Variants in SERPINB9 observed in about 807,000 individuals in gnomAD.
The protein encoded by SERPINB9 is serpin B9.
Under a neutral mutation model 27.2 loss-of-function variants are expected in SERPINB9, and 20 were observed. The ratio of observed to expected loss-of-function variants is 0.74; its 90% CI spans 0.52 to 1.07. SERPINB9 has a LOEUF of 1.07. Ranked by LOEUF, SERPINB9 falls within the 50% of genes least tolerant of loss-of-function variation. The pLI is 0.00. For synonymous variants in SERPINB9, 189 were observed against 180.0 expected, an observed-to-expected ratio of 1.05 and a Z score of -0.40; for missense variants, 476 against 460.1, an observed-to-expected ratio of 1.03 and a Z score of -0.32.
In SERPINB9 at chr6:2,890,281, A is replaced by G; in HGVS notation, c.1013T>C (p.Val338Ala). ...EAAAASSCFV[V>A]AECCMESGPR... ...GCCAGATTCCATGCAGCACTCTGCA[A>G]CTACAAAGCAGCTCGACGCTGCCGC... is the stretch of plus-strand genomic sequence containing the variant. The change falls in exon 7 of 7, where the codon GTT becomes GCT. Residue 338 changes from valine to alanine, a missense_variant. Physicochemically the swap from Val to Ala is moderately conservative, Grantham distance 64 (BLOSUM62 0). Transcript: ENST00000380698. This position sits in a 1 kb window ranked among gnomAD's most constrained non-coding sequence, Gnocchi z 6.2. The G allele has an allele frequency of 6.2e-7, 1 of 1,614,232 alleles. No individual in the cohort carries two copies. The highest frequency in any genetic ancestry group is 8.5e-7 in the Non-Finnish European group (1 of 1,180,042).
chr6:2,895,542 T>G, intron 3 of SERPINB9, 34 bp from the exon 4 acceptor site: 1 of 1,369,970 alleles, frequency 7.3e-7, no homozygotes, highest in Non-Finnish European at 1.0e-6. Flanking sequence ...GAGGCTGCAT[T>G]GCTAAATACA....
At chr6:2,899,360 T>C (rs566457933) in intron 2 of SERPINB9, among the ~76,000 whole-genome samples, 2 of 152,284 alleles carry the variant, frequency 1.3e-5, no homozygotes, top group Non-Finnish European at 2.9e-5. Flanking sequence ...TCTAAAAACC[T>C]ACGCTCTTGC....
intron 5 of SERPINB9, among the ~76,000 whole-genome samples, chr6:2,892,254 C>G (rs1047561670): frequency 6.6e-6 from 1 of 151,478 alleles, no homozygotes; most frequent in African/African-American, 2.4e-5. Context: ...AGATGTTTCT[C>G]ATTTAAATTG....
Position 2,887,878 on chromosome 6 carries a change from A to T in SERPINB9, c.*2285T>A, listed in dbSNP as rs1767650327. Reference sequence around the variant, plus strand: ...AAAAAAAAAAAAAAAAAAGATACTGAACTAGGCACTTGACATCCAAGATGT... The same window carrying T: ...AAAAAAAAAAAAAAAAAAGATACTGTACTAGGCACTTGACATCCAAGATGT... On this transcript the variant is annotated 3_prime_UTR_variant, in exon 7 of 7. Transcript: ENST00000380698. The T allele has an allele frequency of 1.3e-5, 2 of 151,170 alleles. No individual in the cohort carries two copies. Among genetic ancestry groups the T allele is most frequent in the East Asian group, 3.9e-4 (2 of 5,168 alleles). The allele number at this position is 151,170 out of a possible 1,614,324, so 9.4% of individuals were successfully genotyped here. A position where few individuals can be genotyped will look rare whatever the true frequency, so the allele number is the denominator to read the frequency against.
rs1243828039 is a variant in SERPINB9, at chr6:2,887,987, AAAAC to A, written c.*2172_*2175del. ...TTAACAAACTGTCACTCGTGTTCTA[AAAAC>A]AAACAAATGTCTTTCATCTCATTTT... On this transcript the variant is annotated 3_prime_UTR_variant, in exon 7 of 7. Transcript: ENST00000380698. 2.0e-5 allele frequency: 3 copies of A among 152,158 alleles called. No individual in the cohort carries two copies. Among genetic ancestry groups the A allele is most frequent in the South Asian group, 2.1e-4 (1 of 4,828 alleles). 9.4% of individuals were successfully genotyped at this position (152,158 alleles called of 1,614,324 possible).
intron 5 of SERPINB9, 99 bp downstream of exon 5, chr6:2,893,312 C>A: frequency 8.4e-7 from 1 of 1,185,636 alleles, no homozygotes; most frequent in South Asian, 1.9e-5. Context: ...TTTCAAATTC[C>A]TTTTGGCTTA....
intron 2 of SERPINB9, among the ~76,000 whole-genome samples, chr6:2,897,714 A>G (rs919468305): frequency 1.3e-5 from 2 of 152,188 alleles, no homozygotes; most frequent in African/African-American, 4.8e-5. Flanking sequence ...TGAATCCAAG[A>G]GCTGGTTCTT....
chr6:2,896,010 G>C, intron 3 of SERPINB9, 43 bp downstream of exon 3: 1 of 1,580,896 alleles, frequency 6.3e-7, no homozygotes, highest in Non-Finnish European at 8.6e-7. Context: ...ATATCACCAG[G>C]TATGTTGAAT....
chr6:2,898,762 T>A (rs1430735582), intron 2 of SERPINB9, among the ~76,000 whole-genome samples: 1 of 150,312 alleles, frequency 6.7e-6, no homozygotes, highest in Admixed American at 6.7e-5. Context: ...TGCAGTAAGC[T>A]GAGATCGCAC....
intron 5 of SERPINB9, 67 bp from the exon 6 acceptor site, chr6:2,892,055 G>T: frequency 1.6e-6 from 2 of 1,263,828 alleles, no homozygotes; most frequent in Non-Finnish European, 2.1e-6. Context: ...CTCCAAGAGT[G>T]TTTTCAGCAC....
chr6:2,890,596 G>C lies in SERPINB9; in HGVS notation c.724-26C>G. On this transcript the variant is annotated intron_variant, in intron 6 of 6. Transcript: ENST00000380698. This position sits in a 1 kb window ranked among gnomAD's most constrained non-coding sequence, Gnocchi z 6.2. ...CTGAAAGACCAGAATTAGACTTTAA[G>C]ATTCCGACTTCAGTGCACATGTACA... 1.9e-6 allele frequency: 3 copies of C among 1,588,820 alleles called. No homozygotes were observed. Among genetic ancestry groups the C allele is most frequent in the Non-Finnish European group, 2.6e-6 (3 of 1,164,718 alleles).
At chr6:2,893,616 T>A (rs1767899986) in intron 4 of SERPINB9, 63 bp from the exon 5 acceptor site, 1 of 1,400,674 alleles carries the variant, frequency 7.1e-7, no homozygotes, top group Non-Finnish European at 9.9e-7. Context: ...CATTGGATGA[T>A]CCTGGATCAT....
chr6:2,901,675 C>T (rs2113619661), intron 1 of SERPINB9, among the ~76,000 whole-genome samples: 1 of 152,260 alleles, frequency 6.6e-6, no homozygotes, highest in African/African-American at 2.4e-5. Flanking sequence ...ACCCTGACTC[C>T]TCCAGGTGAG....
In SERPINB9 at chr6:2,899,682, C is replaced by G. The variant is rs141095390; in HGVS notation, c.168+762G>C. Among the ~76,000 whole-genome samples the G allele has an allele frequency of 9.3e-4, 141 of 152,272 alleles. 2 individuals carry two copies. The highest frequency in any genetic ancestry group is 3.2e-3 in the African/African-American group (133 of 41,546). Reference sequence around the variant, plus strand: ...AAGGCTGGTAGCCTTTACACATAAACCCTCCCTTCTTCACACAATGAGCTG... The same window carrying G: ...AAGGCTGGTAGCCTTTACACATAAAGCCTCCCTTCTTCACACAATGAGCTG... On this transcript the variant is annotated intron_variant, in intron 2 of 6. Transcript: ENST00000380698.
At position 2,890,066 on chromosome 6, in the gene SERPINB9, T is replaced by C; in HGVS notation, c.*97A>G. 1 of 1,264,552 alleles carries C rather than the reference T, an allele frequency of 7.9e-7. No homozygotes were observed. 78.3% of individuals were successfully genotyped at this position (1,264,552 alleles called of 1,614,324 possible). A position where few individuals can be genotyped will look rare whatever the true frequency, so the allele number is the denominator to read the frequency against. ...ACAGGTAAAGAATCTGCCCTCATCT[T>C]TGCACTTGGCTTTCTAGGCCCATCC... On this transcript the variant is annotated 3_prime_UTR_variant, in exon 7 of 7. Coordinates refer to ENST00000380698, the MANE Select transcript of SERPINB9 (RefSeq NM_004155.6). This position sits in a 1 kb window ranked among gnomAD's most constrained non-coding sequence, Gnocchi z 6.2.
In SERPINB9 at chr6:2,895,353, C is replaced by T. The variant is rs56290823; in HGVS notation, c.424+38G>A. ...AATAGGAAGAGCCGCAGGAGGAGGACGGGTTGGGAGGAAGGTGCAATAACT... is the reference window on the plus strand; with the variant it reads ...AATAGGAAGAGCCGCAGGAGGAGGATGGGTTGGGAGGAAGGTGCAATAACT... On this transcript the variant is annotated intron_variant, in intron 4 of 6. Coordinates refer to ENST00000380698, the MANE Select transcript of SERPINB9 (RefSeq NM_004155.6). 2,730 of 1,364,932 alleles carry T rather than the reference C, an allele frequency of 2.0e-3. 43 individuals carry two copies. The African/African-American group carries it at 0.035, about 17-fold the overall frequency. 84.6% of individuals were successfully genotyped at this position (1,364,932 alleles called of 1,614,324 possible). A position where few individuals can be genotyped will look rare whatever the true frequency, so the allele number is the denominator to read the frequency against.
chr6:2,894,381 G>A lies in SERPINB9; in HGVS notation c.425-828C>T, dbSNP rs765821714. Among the ~76,000 whole-genome samples, 2 of 152,174 alleles carry A rather than the reference G, an allele frequency of 1.3e-5. No individual in the cohort carries two copies. Among genetic ancestry groups the A allele is most frequent in the Non-Finnish European group, 2.9e-5 (2 of 68,030 alleles). On this transcript the variant is annotated intron_variant, in intron 4 of 6. Coordinates refer to ENST00000380698, the MANE Select transcript of SERPINB9 (RefSeq NM_004155.6). The surrounding 1 kb of genome is among the most constrained non-coding windows in gnomAD (Gnocchi z 4.7). Reference sequence around the variant, plus strand: ...GTCTTGGAGGCCTAGACTGGAACACGTCACTTTCTGAAATGTAGATGAATA... The same window carrying A: ...GTCTTGGAGGCCTAGACTGGAACACATCACTTTCTGAAATGTAGATGAATA...
At position 2,889,299 on chromosome 6, in the gene SERPINB9, C is replaced by G. The variant is rs1402375688; in HGVS notation, c.*864G>C. 6.6e-6 allele frequency: 1 copy of G among 152,224 alleles called. No individual in the cohort carries two copies. Among genetic ancestry groups the G allele is most frequent in the Non-Finnish European group, 1.5e-5 (1 of 68,068 alleles). The allele number at this position is 152,224 out of a possible 1,614,324, so 9.4% of individuals were successfully genotyped here. A position where few individuals can be genotyped will look rare whatever the true frequency, so the allele number is the denominator to read the frequency against. On this transcript the variant is annotated 3_prime_UTR_variant, in exon 7 of 7. Coordinates refer to ENST00000380698, the MANE Select transcript of SERPINB9 (RefSeq NM_004155.6). ...TATACGTTGGGCACAGAACTGAAGA[C>G]CAGGTGTCAAAGGAGGATGGCTCTG...
intron 5 of SERPINB9, 51 bp from the exon 6 acceptor site, chr6:2,892,039 AGTTGCCTCCAAGAGT>A: frequency 6.6e-7 from 1 of 1,514,968 alleles, no homozygotes; most frequent in Non-Finnish European, 8.9e-7. Context: ...AAAGAGCTGC[AGTTGCCTCCAAGAGT>A]GTTTTCAGCA....
Sources: allele counts gnomAD v4.1 joint callset (sites outside exome capture counted in the v4.1 genomes callset), GRCh38; gene constraint gnomAD v4.1.1; non-coding constraint Gnocchi (gnomAD v3.1); transcripts MANE v1.5; gene names NCBI Gene and HGNC (gene_info 2026-07-23, HGNC 2026-07-21).